Variants in LETM2 observed in about 807,000 individuals in gnomAD.
LETM2 encodes the protein LETM1 domain-containing protein LETM2, mitochondrial.
In LETM2, 58 loss-of-function variants were observed where a neutral mutation model predicts 59.6. That is an observed-to-expected ratio of 0.97 (90% CI 0.79 to 1.21). The LOEUF (loss-of-function observed/expected upper bound fraction) is 1.21. Among genes scored for constraint, LETM2 ranks in the 50% most tolerant of loss-of-function variants. The pLI is 0.00. For missense variants in LETM2, 572 were observed against 575.7 expected, an observed-to-expected ratio of 0.99 and a Z score of 0.07; for synonymous variants, 199 against 214.1, an observed-to-expected ratio of 0.93 and a Z score of 0.62.
intron 7 of LETM2, among the ~76,000 whole-genome samples, chr8:38,403,286 C>T (rs1563397053): frequency 1.3e-5 from 2 of 152,252 alleles, no homozygotes; most frequent in African/African-American, 4.8e-5. Flanking sequence ...CACACAGCAG[C>T]CAGAATACTG....
intron 2 of LETM2, among the ~76,000 whole-genome samples, chr8:38,388,914 C>T (rs1181308218): frequency 2.6e-5 from 4 of 151,426 alleles, no homozygotes; most frequent in Admixed American, 6.6e-5. Flanking sequence ...TACAGGCATG[C>T]GCCGCCATGT....
chr8:38,408,590 T>G lies in LETM2; in HGVS notation c.*316T>G. The G allele has an allele frequency of 4.6e-6, 1 of 217,230 alleles. No individual in the cohort carries two copies. The highest frequency in any genetic ancestry group is 9.3e-6 in the Non-Finnish European group (1 of 107,378). 13.5% of individuals were successfully genotyped at this position (217,230 alleles called of 1,614,324 possible). On this transcript the variant is annotated 3_prime_UTR_variant, in exon 11 of 11. Transcript: ENST00000379957. ...GTGTACGTCCCTTCAGAGAGGAAAT[T>G]TTTTGCACAATGGAATCAGCTTGGC...
chr8:38,405,364 G>A (rs1813635805), intron 8 of LETM2, among the ~76,000 whole-genome samples: 1 of 152,112 alleles, frequency 6.6e-6, no homozygotes, highest in Non-Finnish European at 1.5e-5. Flanking sequence ...TCTAGCTGGT[G>A]GCTTCCTGTC....
chr8:38,384,325 G>A (rs563219525), upstream of LETM2, among the ~76,000 whole-genome samples: 1 of 152,292 alleles, frequency 6.6e-6, no homozygotes, highest in Non-Finnish European at 1.5e-5. Context: ...TAAAATTGGA[G>A]TTATGTGAAG....
At chr8:38,404,532 C>T (rs1813552443) in intron 8 of LETM2, 26 bp downstream of exon 8, 1 of 1,462,826 alleles carries the variant, frequency 6.8e-7, no homozygotes, top group Non-Finnish European at 9.6e-7. Flanking sequence ...AATGGGGACC[C>T]TCGACGTCCA....
At chr8:38,392,445 G>C in intron 2 of LETM2, 97 bp from the exon 3 acceptor site, 3 of 806,528 alleles carry the variant, frequency 3.7e-6, no homozygotes, top group Non-Finnish European at 6.0e-6. Flanking sequence ...ATTTTGACCA[G>C]ATGTACTATC....
rs1368443522 is a variant in LETM2 at position 38,402,590 on chromosome 8, A to T, written c.1050A>T (p.Arg350=). 6.2e-7 allele frequency: 1 copy of T among 1,613,900 alleles called. No homozygotes were observed. Among genetic ancestry groups the T allele is most frequent in the Admixed American group, 1.7e-5 (1 of 60,002 alleles). The change falls in exon 7 of 11, where the codon CGA becomes CGT. Residue 350 remains arginine (R), a synonymous_variant. Transcript: ENST00000379957. ...VSELQAACRA[R]GMRSLGLTEE... is the part of the protein sequence containing the mutation. ...AACTACAGGCTGCCTGTAGGGCCCG[A>T]GGGATGAGATCACTGGGTCTCACGG...
chr8:38,397,763 TAG>T (rs766917071), intron 4 of LETM2, among the ~76,000 whole-genome samples: 2 of 151,856 alleles, frequency 1.3e-5, no homozygotes, highest in Non-Finnish European at 2.9e-5. Context: ...CAGCAGAGGG[TAG>T]AGCCAAGGAA....
At chr8:38,394,040 T>TGG in intron 3 of LETM2, 58 bp from the exon 4 acceptor site, 1 of 1,302,138 alleles carries the variant, frequency 7.7e-7, no homozygotes, top group East Asian at 2.9e-5. Flanking sequence ...TTGTTTTTCA[T>TGG]TTTTGTTTTT....
chr8:38,394,342 C>T, intron 4 of LETM2, 101 bp downstream of exon 4: 1 of 550,342 alleles, frequency 1.8e-6, no homozygotes, highest in South Asian at 3.7e-5. Context: ...CCCCACCCAA[C>T]CCCATCCCAA....
intron 4 of LETM2, among the ~76,000 whole-genome samples, chr8:38,394,649 C>G (rs1313404357): frequency 6.6e-6 from 1 of 151,990 alleles, no homozygotes; most frequent in Non-Finnish European, 1.5e-5. Context: ...TGAGACCAGC[C>G]TGGGTATCAT....
At chr8:38,395,906 T>C (rs1812647406) in intron 4 of LETM2, among the ~76,000 whole-genome samples, 1 of 152,208 alleles carries the variant, frequency 6.6e-6, no homozygotes, top group South Asian at 2.1e-4. Context: ...TTATCAGATA[T>C]ATATTTTGCA....
intron 2 of LETM2, among the ~76,000 whole-genome samples, chr8:38,388,651 C>T (rs1350914414): frequency 2.1e-5 from 3 of 144,908 alleles, no homozygotes; most frequent in Non-Finnish European, 4.5e-5. Context: ...ACCTGGGAGG[C>T]GGAGGTTGCA....
chr8:38,406,333 G>A (rs1385674946), intron 8 of LETM2, among the ~76,000 whole-genome samples: 2 of 152,220 alleles, frequency 1.3e-5, no homozygotes, highest in African/African-American at 4.8e-5. Context: ...AGTAGCAGTG[G>A]CTCATGCCTG....
chr8:38,398,424 T>C (rs1812859016), intron 4 of LETM2, among the ~76,000 whole-genome samples: 1 of 152,188 alleles, frequency 6.6e-6, no homozygotes, highest in Admixed American at 6.5e-5. Context: ...AGAAAATTCT[T>C]GTTTGCTTTG....
At chr8:38,389,024 C>T (rs1253866057) in intron 2 of LETM2, among the ~76,000 whole-genome samples, 1 of 151,996 alleles carries the variant, frequency 6.6e-6, no homozygotes, top group Non-Finnish European at 1.5e-5. Flanking sequence ...CCTGGGCTTC[C>T]CAAAGTGCTG....
At chr8:38,388,120 GC>G in intron 2 of LETM2, 90 bp downstream of exon 2, 2 of 884,244 alleles carry the variant, frequency 2.3e-6, no homozygotes, top group Non-Finnish European at 3.4e-6. Flanking sequence ...GCACTCTGTC[GC>G]CCAGGCTGGA....
At chr8:38,404,746 G>A (rs574757933) in intron 8 of LETM2, 11 of 416,758 alleles carry the variant, frequency 2.6e-5, no homozygotes, top group Non-Finnish European at 3.5e-5. Context: ...TTGGGAGGCC[G>A]AGGTAGGTGG....
Position 38,392,905 on chromosome 8 carries a change from CTACT to C in LETM2, c.417_420del (p.Leu139PhefsTer21). Reference sequence around the variant, plus strand: ...AACTAAAATATTATTACAATGGATTCTACTTACTTTGGATTGACGCCAAAGTTGC... The same window carrying C: ...AACTAAAATATTATTACAATGGATTCTACTTTGGATTGACGCCAAAGTTGC... On this transcript the variant is annotated frameshift_variant, in exon 3 of 11. Transcript: ENST00000379957. LOFTEE classifies it high-confidence loss of function. 1 of 1,613,730 alleles carries C rather than the reference CTACT, an allele frequency of 6.2e-7. No homozygotes were observed. Among genetic ancestry groups the C allele is most frequent in the Non-Finnish European group, 8.5e-7 (1 of 1,180,034 alleles).
Sources: gnomAD v4.1 joint callset for allele counts (sites outside exome capture counted in the v4.1 genomes callset) on GRCh38, gnomAD v4.1.1 for gene constraint, MANE v1.5 for transcripts, NCBI Gene and HGNC (gene_info 2026-07-23, HGNC 2026-07-21) for gene names.